Variants in PNKD observed in about 807,000 individuals in gnomAD.
PNKD encodes probable thioesterase PNKD.
Under a neutral mutation model 45.3 loss-of-function variants are expected in PNKD, and 36 were observed. The observed-to-expected ratio is 0.80, with a 90% CI of 0.61 to 1.05. PNKD has a LOEUF of 1.05. Among genes scored for constraint, PNKD ranks in the 50% least tolerant of loss-of-function variants. The probability of loss-of-function intolerance (pLI) is 0.00; values close to 1 mark genes in which losing one functional copy is unlikely to be tolerated. For missense variants in PNKD, 511 were observed against 506.6 expected, an observed-to-expected ratio of 1.01 and a Z score of -0.08; for synonymous variants, 197 against 210.1, an observed-to-expected ratio of 0.94 and a Z score of 0.54.
intron 6 of PNKD, 60 bp from the exon 7 acceptor site, chr2:218,341,921 G>A (rs764492053): frequency 7.2e-7 from 1 of 1,389,360 alleles, no homozygotes; most frequent in African/African-American, 1.4e-5. Flanking sequence ...CTGGGATGGG[G>A]ACAGGGATCA....
intron 9 of PNKD, 88 bp downstream of exon 9, chr2:218,344,658 C>A: frequency 7.1e-7 from 1 of 1,401,412 alleles, no homozygotes; most frequent in Non-Finnish European, 1.0e-6. Flanking sequence ...GGCCTGCGAG[C>A]ACCTCCCCAA....
At chr2:218,329,260 A>C (rs1694247630) in intron 2 of PNKD, among the ~76,000 whole-genome samples, 1 of 152,230 alleles carries the variant, frequency 6.6e-6, no homozygotes, top group African/African-American at 2.4e-5. Context: ...ACCCGGCTCC[A>C]CTAGAACCCT....
At position 218,276,000 on chromosome 2, in the gene PNKD, C is replaced by T. The variant is rs755901521; in HGVS notation, c.236+4451C>T. On this transcript the variant is annotated intron_variant, in intron 2 of 9. Transcript: ENST00000273077. The stretch of plus-strand genomic sequence containing the variant: ...TCCTCCCCTCATCCCCTCAGCTCCC[C>T]TTCCTAGAGTGGGGCTGGGACTTAC... The T allele has an allele frequency of 3.2e-5, 51 of 1,605,554 alleles. No individual in the cohort carries two copies. In the Admixed American group the frequency reaches 7.7e-4, roughly 24 times the overall value.
chr2:218,306,509 C>T (rs777167296), intron 2 of PNKD, among the ~76,000 whole-genome samples: 4 of 152,168 alleles, frequency 2.6e-5, no homozygotes, highest in African/African-American at 4.8e-5. Flanking sequence ...TGGGTAATCA[C>T]GGTTAATCCT....
intron 2 of PNKD, among the ~76,000 whole-genome samples, chr2:218,273,728 G>A (rs1182387760): frequency 6.6e-6 from 1 of 151,496 alleles, no homozygotes; most frequent in Non-Finnish European, 1.5e-5. Context: ...CTGACCTCAG[G>A]TGATTCCCCC....
chr2:218,280,518 G>A, intron 2 of PNKD: 1 of 267,260 alleles, frequency 3.7e-6, no homozygotes, highest in Non-Finnish European at 7.4e-6. Context: ...GCAGAGCGCA[G>A]TTTGTGCAGC....
chr2:218,313,355 C>T (rs565826390), intron 2 of PNKD, among the ~76,000 whole-genome samples: 10 of 152,000 alleles, frequency 6.6e-5, no homozygotes, highest in African/African-American at 1.9e-4. Context: ...AGGTGATCCA[C>T]CTGCCTCAGC....
At chr2:218,272,972 T>G (rs1690910285) in intron 2 of PNKD, 2 of 1,410,584 alleles carry the variant, frequency 1.4e-6, no homozygotes, top group African/African-American at 2.9e-5. Context: ...GTGAGTCCCT[T>G]GGGATGGGAG....
rs564478218 is a variant in PNKD, at chr2:218,298,431, G to A, written c.236+26882G>A. 1.2e-4 allele frequency among the ~76,000 whole-genome samples: 19 copies of A among 152,286 alleles called. No homozygotes were observed. In the East Asian group the frequency reaches 3.3e-3, roughly 26 times the overall value. On this transcript the variant is annotated intron_variant, in intron 2 of 9. Transcript: ENST00000273077. ...TTGAATCCAAGTTCAAATGTCTTTG[G>A]TGGCTTTGTGACCTTAGGCATATTA...
intron 2 of PNKD, among the ~76,000 whole-genome samples, chr2:218,325,253 G>A (rs1459633261): frequency 7.7e-6 from 1 of 130,476 alleles, no homozygotes; most frequent in Non-Finnish European, 1.6e-5. Flanking sequence ...TCCCTAGGCT[G>A]GAGTGGTGCA....
intron 8 of PNKD, 69 bp downstream of exon 8, chr2:218,343,655 C>T (rs1694747208): frequency 8.8e-6 from 10 of 1,133,146 alleles, no homozygotes; most frequent in Non-Finnish European, 1.3e-5. Context: ...GCCTTCCCAC[C>T]CCCTCACTCC....
At chr2:218,274,498 G>C (rs764503008) in intron 2 of PNKD, 2 of 154,182 alleles carry the variant, frequency 1.3e-5, no homozygotes, top group Non-Finnish European at 2.9e-5. Flanking sequence ...TTAGCAGAAG[G>C]AAAGAACCCA....
At chr2:218,281,833 A>C in intron 2 of PNKD, 1 of 901,636 alleles carries the variant, frequency 1.1e-6, no homozygotes, top group Non-Finnish European at 1.7e-6. Flanking sequence ...AAGATGAGAA[A>C]GGGATTTAAG....
intron 2 of PNKD, among the ~76,000 whole-genome samples, chr2:218,327,515 T>C (rs1694189381): frequency 6.6e-6 from 1 of 152,098 alleles, no homozygotes; most frequent in South Asian, 2.1e-4. Flanking sequence ...AGCAGCCTCA[T>C]GCCTCCCTGC....
At chr2:218,312,850 G>C (rs1201666931) in intron 2 of PNKD, among the ~76,000 whole-genome samples, 1 of 151,784 alleles carries the variant, frequency 6.6e-6, no homozygotes, top group East Asian at 1.9e-4. Flanking sequence ...TCCAGCCCGG[G>C]TGACAGAGTG....
intron 2 of PNKD, among the ~76,000 whole-genome samples, chr2:218,337,044 C>G (rs1032744929): frequency 2.6e-5 from 4 of 151,210 alleles, no homozygotes; most frequent in African/African-American, 9.7e-5. Flanking sequence ...AAGTGATCTA[C>G]CAGCCTCTGC....
At chr2:218,304,041 C>A (rs906963042) in intron 2 of PNKD, among the ~76,000 whole-genome samples, 2 of 152,150 alleles carry the variant, frequency 1.3e-5, no homozygotes, top group Non-Finnish European at 2.9e-5. Flanking sequence ...GAGATGGCAG[C>A]AGAGGTGGAG....
chr2:218,337,368 C>A (rs1442033674), intron 2 of PNKD, among the ~76,000 whole-genome samples: 1 of 152,156 alleles, frequency 6.6e-6, no homozygotes, highest in African/African-American at 2.4e-5. Flanking sequence ...CCACCGCGCC[C>A]GGCCTTCAAT....
chr2:218,319,709 C>T (rs2891078), intron 2 of PNKD, among the ~76,000 whole-genome samples: 89,885 of 151,926 alleles, frequency 0.59, 26,992 homozygotes, highest in South Asian at 0.68. Context: ...AGCAGCATAC[C>T]TGGCCTCTAC....
Sources: gnomAD v4.1 joint callset for allele counts (sites outside exome capture counted in the v4.1 genomes callset) on GRCh38, gnomAD v4.1.1 for gene constraint, MANE v1.5 for transcripts, NCBI Gene and HGNC (gene_info 2026-07-23, HGNC 2026-07-21) for gene names.